HSPD1: variants seen among roughly 807,000 people sequenced by gnomAD.
HSPD1 encodes heat shock protein family D (Hsp60) member 1, also known as 60 kDa heat shock protein, mitochondrial.
In HSPD1, 3 loss-of-function variants were observed where a neutral mutation model predicts 53.0. The observed-to-expected ratio is 0.06, with a 90% CI of 0.03 to 0.15. The LOEUF (loss-of-function observed/expected upper bound fraction) is 0.15. HSPD1 is among the 10% of genes least tolerant of loss of function. The probability of loss-of-function intolerance (pLI) is 1.00; values close to 1 mark genes in which losing one functional copy is unlikely to be tolerated. For missense variants in HSPD1, 431 were observed against 694.1 expected, an observed-to-expected ratio of 0.62 and a Z score of 4.26; for synonymous variants, 200 against 228.0, an observed-to-expected ratio of 0.88 and a Z score of 1.10.
In HSPD1 at chr2:197,488,636, AG is replaced by A. The variant is rs1427021099; in HGVS notation, c.1216-146del. ...GTAATCCTAGCACTTTGGGAGGCTG[AG>A]GTGAGTGGATCACTTGAGGTCAGGA... On this transcript the variant is annotated intron_variant, in intron 9 of 11. Coordinates refer to ENST00000388968, the MANE Select transcript of HSPD1 (RefSeq NM_002156.5). 79 of 802,666 alleles carry A rather than the reference AG, an allele frequency of 9.8e-5. No individual in the cohort carries two copies. In the South Asian group the frequency reaches 9.9e-4, roughly 10 times the overall value. 49.7% of individuals were successfully genotyped at this position (802,666 alleles called of 1,614,324 possible).
chr2:197,488,572 TA>T, intron 9 of HSPD1, 81 bp from the exon 10 acceptor site: 1 of 1,339,208 alleles, frequency 7.5e-7, no homozygotes, highest in Non-Finnish European at 1.1e-6. Context: ...GCAGTTTACT[TA>T]AAAAGCAATC....
At position 197,498,792 on chromosome 2, in the gene HSPD1, A is replaced by G; in HGVS notation, c.57T>C (p.Ala19=). 1 of 1,614,200 alleles carries G rather than the reference A, an allele frequency of 6.2e-7. No homozygotes were observed. Among genetic ancestry groups the G allele is most frequent in the Non-Finnish European group, 8.5e-7 (1 of 1,180,024 alleles). The change falls in exon 2 of 12, where the codon GCT becomes GCC. Residue 19 remains alanine, a synonymous_variant. Coordinates refer to ENST00000388968, the MANE Select transcript of HSPD1 (RefSeq NM_002156.5). ...TGGCATAAGCCCGAGTGAGATGAGG[A>G]GCCAGTACCCTGGACACCGGTCTCA... ...RQMRPVSRVL[A]PHLTRAYAKD... is the part of the protein sequence containing the mutation.
chr2:197,488,107 G>T, intron 10 of HSPD1, 71 bp from the exon 11 acceptor site: 1 of 1,189,904 alleles, frequency 8.4e-7, no homozygotes, highest in Non-Finnish European at 1.2e-6. Flanking sequence ...TAAGTTGTGA[G>T]GATATTGATG....
chr2:197,487,310 G>T, intron 11 of HSPD1, 112 bp from the exon 12 acceptor site: 1 of 909,990 alleles, frequency 1.1e-6, no homozygotes, highest in Non-Finnish European at 1.8e-6. Context: ...ACTTTGGGAG[G>T]CTGAGGCAGG....
At position 197,488,339 on chromosome 2, in the gene HSPD1, T is replaced by A; in HGVS notation, c.1368A>T (p.Pro456=). Residue 456 remains proline, a synonymous_variant, in exon 10 of 12, where the codon CCA becomes CCT. Transcript: ENST00000388968. ...RCIPALDSLT[P]ANEDQKIGIE... is the part of the protein sequence containing the mutation. ...TACCAATTTTTTGATCTTCATTAGC[T>A]GGAGTCAATGAGTCCAAGGCTGGAA... 1.2e-6 allele frequency: 2 copies of A among 1,613,978 alleles called. No homozygotes were observed. The highest frequency in any genetic ancestry group is 1.7e-6 in the Non-Finnish European group (2 of 1,179,856).
At chr2:197,496,795 A>G (rs2086162891) in intron 3 of HSPD1, 1 of 318,024 alleles carries the variant, frequency 3.1e-6, no homozygotes, top group Admixed American at 4.6e-5. Context: ...TTAGCCAGGA[A>G]TGGTGGTGAG....
At chr2:197,495,487 A>C in intron 3 of HSPD1, 111 bp from the exon 4 acceptor site, 1 of 810,680 alleles carries the variant, frequency 1.2e-6, no homozygotes, top group Admixed American at 2.3e-5. Context: ...TTAAAAAAAA[A>C]AATTTTTTTT....
intron 9 of HSPD1, 64 bp downstream of exon 9, chr2:197,488,938 T>G (rs1320586187): frequency 1.3e-6 from 2 of 1,561,966 alleles, no homozygotes; most frequent in Admixed American, 3.3e-5. Context: ...TGGGGAATAC[T>G]ACAGAAGCAA....
chr2:197,490,063 A>C, intron 8 of HSPD1, 134 bp downstream of exon 8: 2 of 741,864 alleles, frequency 2.7e-6, no homozygotes, highest in Non-Finnish European at 4.8e-6. Flanking sequence ...ACGGGAATTT[A>C]ATCCAACCCC....
chr2:197,491,646 G>C (rs2086093851), intron 7 of HSPD1, among the ~76,000 whole-genome samples: 1 of 152,144 alleles, frequency 6.6e-6, no homozygotes, highest in Non-Finnish European at 1.5e-5. Context: ...CTTCAATTCT[G>C]AGATAAGGAA....
upstream of HSPD1, chr2:197,500,271 G>A (rs2086232026): frequency 1.1e-6 from 1 of 896,382 alleles, no homozygotes; most frequent in African/African-American, 1.7e-5. Flanking sequence ...GTGCGCGTCG[G>A]GGCGACCGCC....
chr2:197,495,229 GA>G (rs879019471), intron 4 of HSPD1, 64 bp downstream of exon 4: 1,496 of 819,434 alleles, frequency 1.8e-3, no homozygotes, highest in East Asian at 6.7e-3. Flanking sequence ...GTGATCAAGG[GA>G]AAAAAAAAAT....
At chr2:197,499,214 A>C (rs2086203552) in intron 1 of HSPD1, 2 of 367,928 alleles carry the variant, frequency 5.4e-6, no homozygotes, top group Non-Finnish European at 1.0e-5. Context: ...GGAGAGAGGC[A>C]AGTTACAAAT....
At chr2:197,488,719 T>C (rs1294531569) in intron 9 of HSPD1, among the ~76,000 whole-genome samples, 1 of 152,062 alleles carries the variant, frequency 6.6e-6, no homozygotes, top group Non-Finnish European at 1.5e-5. Context: ...AAATACAAAA[T>C]TAGCCAGGCA....
intron 7 of HSPD1, among the ~76,000 whole-genome samples, chr2:197,492,908 G>A (rs2086112517): frequency 6.6e-6 from 1 of 151,042 alleles, no homozygotes; most frequent in Non-Finnish European, 1.5e-5. Flanking sequence ...TGCTTGGGAG[G>A]CTGAGGCAGA....
Position 197,489,355 on chromosome 2 carries a change from G to C in HSPD1, c.970-108C>G, listed in dbSNP as rs980676314. 6 of 1,158,092 alleles carry C rather than the reference G, an allele frequency of 5.2e-6. No homozygotes were observed. In the African/African-American group the frequency reaches 9.2e-5, roughly 18 times the overall value. The allele number at this position is 1,158,092 out of a possible 1,614,324, so 71.7% of individuals were successfully genotyped here. A position where few individuals can be genotyped will look rare whatever the true frequency, so the allele number is the denominator to read the frequency against. On this transcript the variant is annotated intron_variant, in intron 8 of 11. Coordinates refer to ENST00000388968, the MANE Select transcript of HSPD1 (RefSeq NM_002156.5). ...AATCATCAAAATACTTTATTTCTTT[G>C]AAATGAGAGATTTTAAGATCACTGT...
At chr2:197,490,100 G>C in intron 8 of HSPD1, 97 bp downstream of exon 8, 2 of 931,810 alleles carry the variant, frequency 2.1e-6, no homozygotes, top group Non-Finnish European at 3.5e-6. Flanking sequence ...AAAAGAAACA[G>C]ATAGTTGTAG....
intron 7 of HSPD1, among the ~76,000 whole-genome samples, chr2:197,492,501 GGAA>G (rs2086105793): frequency 6.6e-6 from 1 of 152,036 alleles, no homozygotes; most frequent in Non-Finnish European, 1.5e-5. Flanking sequence ...TGAGTTATTT[GGAA>G]GTTAGTTGTT....
At chr2:197,490,135 A>G in intron 8 of HSPD1, 62 bp downstream of exon 8, 1 of 1,147,110 alleles carries the variant, frequency 8.7e-7, no homozygotes, top group South Asian at 1.2e-5. Flanking sequence ...ATGTTAAACT[A>G]TCTATAAATT....
Sources: allele counts gnomAD v4.1 joint callset (sites outside exome capture counted in the v4.1 genomes callset), GRCh38; gene constraint gnomAD v4.1.1; transcripts MANE v1.5; gene names NCBI Gene and HGNC (gene_info 2026-07-23, HGNC 2026-07-21).